The following ZNF473 variants were observed in gnomAD, a reference collection of about 807,000 sequenced individuals.
ZNF473 encodes the protein zinc finger protein 473.
ZNF473 carries 4 observed loss-of-function variants against 11.1 expected under a neutral mutation model. The observed-to-expected ratio is 0.36, with a 90% CI of 0.18 to 0.82. The LOEUF is 0.82. ZNF473 is among the 40% of genes least tolerant of loss of function. The pLI is 0.49. For synonymous variants in ZNF473, 404 were observed against 390.4 expected (o/e 1.03, Z -0.41); for missense variants, 854 against 1,084.0 (o/e 0.79, Z 2.98).
At position 50,047,213 on chromosome 19, in the gene ZNF473, C is replaced by T; in HGVS notation, c.*154C>T. On this transcript the variant is annotated 3_prime_UTR_variant, in exon 5 of 5. Coordinates refer to ENST00000270617, the MANE Select transcript of ZNF473 (RefSeq NM_015428.4). Reference sequence around the variant, plus strand: ...GTTTTTCATTATAACAATGAAAACACAAAAGTGGAGAAGCTGTACAACGTC... The same window carrying T: ...GTTTTTCATTATAACAATGAAAACATAAAAGTGGAGAAGCTGTACAACGTC... 1 of 707,562 alleles carries T rather than the reference C, an allele frequency of 1.4e-6. No homozygotes were observed. The highest frequency in any genetic ancestry group is 1.8e-5 in the African/African-American group (1 of 55,960). 43.8% of individuals were successfully genotyped at this position (707,562 alleles called of 1,614,324 possible).
chr19:50,036,994 A>G (rs1262495226), intron 2 of ZNF473, among the ~76,000 whole-genome samples: 1 of 152,212 alleles, frequency 6.6e-6, no homozygotes, highest in African/African-American at 2.4e-5. Flanking sequence ...GTTGGGGATA[A>G]TCCTGCCTCA....
chr19:50,033,719 C>G (rs1390693853), intron 2 of ZNF473, among the ~76,000 whole-genome samples: 1 of 152,156 alleles, frequency 6.6e-6, no homozygotes, highest in African/African-American at 2.4e-5. Context: ...TCTGGAGGCC[C>G]TAGGGAAGAA....
rs751410088 is a variant in ZNF473, at chr19:50,031,041, A to T, written c.-42A>T. On this transcript the variant is annotated 5_prime_UTR_variant, in exon 2 of 5. The change creates a new upstream start codon in the 5' untranslated region. Coordinates refer to ENST00000270617, the MANE Select transcript of ZNF473 (RefSeq NM_015428.4). ...CTGCCAGCCGGGAACACGGAGGGGA[A>T]GGAGGAGGAGCTTAAAAGAGGCTAC... 3.8e-6 allele frequency: 6 copies of T among 1,559,462 alleles called. No homozygotes were observed. The South Asian group carries it at 5.9e-5, about 15-fold the overall frequency.
chr19:50,026,378 C>G (rs1040645443), intron 1 of ZNF473, among the ~76,000 whole-genome samples: 39 of 152,150 alleles, frequency 2.6e-4, no homozygotes, highest in African/African-American at 9.4e-4. Context: ...CTCGAACCCC[C>G]AGTCTCTACT....
rs35619461 is a variant in ZNF473 at position 50,036,314 on chromosome 19, CT to C, written c.10-2830del. ...ATGTAGCTGTATTAAGAGGTGGGGC[CT>C]TTTTTTTTTTTTTTTTGAGATGGAG... On this transcript the variant is annotated intron_variant, in intron 2 of 4. Transcript: ENST00000270617. Among the ~76,000 whole-genome samples, 272 of 108,760 alleles carry C rather than the reference CT, an allele frequency of 2.5e-3. 5 individuals carry two copies. Among genetic ancestry groups the C allele is most frequent in the Admixed American group, 3.0e-3 (30 of 10,008 alleles). 71.4% of individuals were successfully genotyped at this position (108,760 alleles called of 152,430 possible).
intron 4 of ZNF473, chr19:50,042,479 G>C (rs919881310): frequency 1.3e-5 from 2 of 152,292 alleles, no homozygotes; most frequent in Non-Finnish European, 2.9e-5. Flanking sequence ...ACCACGCTCA[G>C]GCTCGTGTAC....
chr19:50,027,040 C>G (rs2077287298), intron 1 of ZNF473, among the ~76,000 whole-genome samples: 2 of 152,232 alleles, frequency 1.3e-5, no homozygotes, highest in African/African-American at 4.8e-5. Flanking sequence ...GTTGCATTTC[C>G]TCTTCTGATC....
At position 50,046,629 on chromosome 19, in the gene ZNF473, C is replaced by T; in HGVS notation, c.2186C>T (p.Pro729Leu). 1 of 1,614,208 alleles carries T rather than the reference C, an allele frequency of 6.2e-7. No homozygotes were observed. The highest frequency in any genetic ancestry group is 8.5e-7 in the Non-Finnish European group (1 of 1,180,042). Residue 729 changes from proline (P) to leucine (L), a missense_variant, in exon 5 of 5, where the codon CCC becomes CTC. By Grantham distance (98) the Pro-to-Leu change is moderately conservative. Transcript: ENST00000270617. The surrounding 1 kb of genome is among the most constrained non-coding windows in gnomAD (Gnocchi z 5.9). ...KHQRIHSGEK[P>L]YVCDYCGKAF... is the part of the protein sequence containing the mutation. ...CAGAGAATTCACTCAGGTGAGAAGCCCTATGTATGTGATTACTGCGGGAAG... is the reference window on the plus strand; with the variant it reads ...CAGAGAATTCACTCAGGTGAGAAGCTCTATGTATGTGATTACTGCGGGAAG...
chr19:50,037,399 G>A (rs1355609977), intron 2 of ZNF473, among the ~76,000 whole-genome samples: 1 of 152,156 alleles, frequency 6.6e-6, no homozygotes, highest in Admixed American at 6.5e-5. Context: ...AAATGTGCCT[G>A]TGCCCACACT....
chr19:50,030,925 TG>T lies in ZNF473; in HGVS notation c.-156del. The T allele has an allele frequency of 9.6e-7, 1 of 1,040,376 alleles. No individual in the cohort carries two copies. The highest frequency in any genetic ancestry group is 1.4e-6 in the Non-Finnish European group (1 of 692,130). The allele number at this position is 1,040,376 out of a possible 1,614,324, so 64.4% of individuals were successfully genotyped here. ...ACATTGGGACTTGTCCTCCTCCTCC[TG>T]GACATTTTGGGGGCTCGTCAGCATG... is the stretch of plus-strand genomic sequence containing the variant. On this transcript the variant is annotated 5_prime_UTR_variant, in exon 2 of 5. Transcript: ENST00000270617.
chr19:50,033,772 C>T (rs1451599729), intron 2 of ZNF473, among the ~76,000 whole-genome samples: 1 of 152,168 alleles, frequency 6.6e-6, no homozygotes, highest in African/African-American at 2.4e-5. Flanking sequence ...TGCCTATATT[C>T]ATTGGCTCCT....
In ZNF473 at chr19:50,039,401, A is replaced by T; in HGVS notation, c.136+114A>T. On this transcript the variant is annotated intron_variant, in intron 3 of 4. Coordinates refer to ENST00000270617, the MANE Select transcript of ZNF473 (RefSeq NM_015428.4). The surrounding 1 kb of genome is among the most constrained non-coding windows in gnomAD (Gnocchi z 4.8). ...TCCTGGGCTCCTCAGAATCAGCATGACCTAGCCCAGCAGTTCTCAGCTGGC... is the reference window on the plus strand; with the variant it reads ...TCCTGGGCTCCTCAGAATCAGCATGTCCTAGCCCAGCAGTTCTCAGCTGGC... 1 of 1,399,280 alleles carries T rather than the reference A, an allele frequency of 7.1e-7. No homozygotes were observed. Among genetic ancestry groups the T allele is most frequent in the East Asian group, 2.4e-5 (1 of 41,748 alleles). The allele number at this position is 1,399,280 out of a possible 1,614,324, so 86.7% of individuals were successfully genotyped here. A position where few individuals can be genotyped will look rare whatever the true frequency, so the allele number is the denominator to read the frequency against.
Position 50,031,095 on chromosome 19 carries a change from A to T in ZNF473, c.9+4A>T. Reference sequence around the variant, plus strand: ...ACCCCAGTTGGCCATGGCTGAGGTGAGTTGAAGGTCGCTCTGTCCTAATCG... The same window carrying T: ...ACCCCAGTTGGCCATGGCTGAGGTGTGTTGAAGGTCGCTCTGTCCTAATCG... On this transcript the variant is annotated splice_donor_region_variant and intron_variant, in intron 2 of 4. Coordinates refer to ENST00000270617, the MANE Select transcript of ZNF473 (RefSeq NM_015428.4). 6.4e-7 allele frequency: 1 copy of T among 1,567,228 alleles called. No individual in the cohort carries two copies. Among genetic ancestry groups the T allele is most frequent in the South Asian group, 1.2e-5 (1 of 85,168 alleles).
chr19:50,037,896 C>T (rs908857691), intron 2 of ZNF473, among the ~76,000 whole-genome samples: 11 of 151,468 alleles, frequency 7.3e-5, no homozygotes, highest in Non-Finnish European at 1.2e-4. Context: ...AACTTACAAA[C>T]GACAGAAGGA....
rs1978954965 is a variant in ZNF473 at position 50,044,557 on chromosome 19, A to G, written c.227-113A>G. On this transcript the variant is annotated intron_variant, in intron 4 of 4. Transcript: ENST00000270617. ...CTGTGATGCCAGTTCCACATGGGTC[A>G]CCCCTTTGGGTCCCTTGATGGATAG... is the stretch of plus-strand genomic sequence containing the variant. 9 of 831,270 alleles carry G rather than the reference A, an allele frequency of 1.1e-5. No individual in the cohort carries two copies. The South Asian group carries it at 1.6e-4, about 15-fold the overall frequency. The allele number at this position is 831,270 out of a possible 1,614,324, so 51.5% of individuals were successfully genotyped here.
At chr19:50,037,327 G>A (rs1191802160) in intron 2 of ZNF473, among the ~76,000 whole-genome samples, 3 of 152,082 alleles carry the variant, frequency 2.0e-5, no homozygotes, top group Non-Finnish European at 4.4e-5. Flanking sequence ...ACTCATAAAG[G>A]GAAGGTAATA....
intron 3 of ZNF473, chr19:50,041,089 C>T (rs1600758824): frequency 6.6e-6 from 1 of 152,242 alleles, no homozygotes; most frequent in African/African-American, 2.4e-5. Flanking sequence ...TGTGGCTGGG[C>T]TGGAGGCGAG....
chr19:50,042,222 C>G (rs527378266), intron 4 of ZNF473: 1 of 155,128 alleles, frequency 6.4e-6, no homozygotes, highest in African/African-American at 2.4e-5. Context: ...CTTCCTATCC[C>G]TGGGGCATAG....
intron 2 of ZNF473, among the ~76,000 whole-genome samples, chr19:50,036,438 C>T (rs559988200): frequency 1.5e-3 from 220 of 151,358 alleles, no homozygotes; most frequent in African/African-American, 5.2e-3. Flanking sequence ...CTCAGCCTCC[C>T]GAGTAGCTGG....
Sources: allele counts gnomAD v4.1 joint callset (sites outside exome capture counted in the v4.1 genomes callset), GRCh38; gene constraint gnomAD v4.1.1; non-coding constraint Gnocchi (gnomAD v3.1); transcripts MANE v1.5; gene names NCBI Gene and HGNC (gene_info 2026-07-23, HGNC 2026-07-21).